GPATCH2L: variants seen among roughly 807,000 people sequenced by gnomAD.
GPATCH2L encodes the protein G-patch domain containing 2 like.
In GPATCH2L, 31 loss-of-function variants were observed where a neutral mutation model predicts 57.4. That is an observed-to-expected ratio of 0.54 (90% confidence interval 0.41 to 0.73). GPATCH2L has a LOEUF of 0.73. Ranked by LOEUF, GPATCH2L falls within the 30% of genes least tolerant of loss-of-function variation. GPATCH2L has a pLI of 0.00. For synonymous variants in GPATCH2L, 199 were observed against 210.7 expected (o/e 0.94, Z 0.48); for missense variants, 481 against 599.9 (o/e 0.80, Z 2.07).
intron 1 of GPATCH2L, among the ~76,000 whole-genome samples, chr14:76,225,161 AAG>A (rs1399877946): frequency 6.6e-6 from 1 of 152,198 alleles, no homozygotes; most frequent in Non-Finnish European, 1.5e-5. Flanking sequence ...AAGAATAGAG[AAG>A]AGAGTGTTTA....
chr14:76,180,264 A>G (rs1262392918), intron 7 of GPATCH2L, among the ~76,000 whole-genome samples: 1 of 152,146 alleles, frequency 6.6e-6, no homozygotes, highest in Non-Finnish European at 1.5e-5. Context: ...TTTAACACCC[A>G]GTATCTCAGT....
intron 1 of GPATCH2L, chr14:76,153,967 G>A (rs1223924659): frequency 6.1e-6 from 1 of 163,132 alleles, no homozygotes; most frequent in Non-Finnish European, 1.3e-5. Flanking sequence ...TGTCTAGTGA[G>A]ACAGTCTCTA....
chr14:76,160,395 G>T (rs999569029), intron 2 of GPATCH2L, among the ~76,000 whole-genome samples: 9 of 152,112 alleles, frequency 5.9e-5, no homozygotes, highest in Admixed American at 5.2e-4. Context: ...GGAAATCTTG[G>T]CAATAGGCCA....
intron 9 of GPATCH2L, chr14:76,196,422 G>T: frequency 4.7e-6 from 1 of 212,670 alleles, no homozygotes; most frequent in Non-Finnish European, 9.1e-6. Context: ...CAATTTTTTA[G>T]GCTAAAACTT....
downstream of GPATCH2L, among the ~76,000 whole-genome samples, chr14:76,218,677 A>T (rs2040500053): frequency 6.6e-6 from 1 of 151,452 alleles, no homozygotes; most frequent in Admixed American, 6.6e-5. Flanking sequence ...AGTTCATATT[A>T]AAAAAAGATA....
intron 3 of GPATCH2L, among the ~76,000 whole-genome samples, chr14:76,169,930 C>G (rs889598829): frequency 2.0e-5 from 3 of 152,154 alleles, no homozygotes; most frequent in Non-Finnish European, 4.4e-5. Context: ...CATGAGGGAA[C>G]TTGTTAGAAA....
chr14:76,178,316 G>T, intron 7 of GPATCH2L: 5 of 1,308,982 alleles, frequency 3.8e-6, no homozygotes, highest in Non-Finnish European at 4.0e-6. Context: ...AACGTATGGA[G>T]CAGAAGGTAG....
intron 1 of GPATCH2L, among the ~76,000 whole-genome samples, chr14:76,223,586 C>T (rs1011429958): frequency 6.6e-5 from 10 of 151,988 alleles, no homozygotes; most frequent in African/African-American, 2.4e-4. Flanking sequence ...ATAAATAAGC[C>T]TTTATCAAAA....
chr14:76,159,657 G>A (rs2038481038), intron 2 of GPATCH2L, among the ~76,000 whole-genome samples: 1 of 152,076 alleles, frequency 6.6e-6, no homozygotes, highest in Admixed American at 6.5e-5. Flanking sequence ...TCTCCAGAAT[G>A]TACTGTCTCC....
chr14:76,182,363 G>GAAAAAAAAAAAAAAAAAAA (rs3059799), intron 8 of GPATCH2L, among the ~76,000 whole-genome samples: 1 of 85,624 alleles, frequency 1.2e-5, no homozygotes, highest in Non-Finnish European at 2.0e-5. Flanking sequence ...TCTCAGAAAA[G>GAAAAAAAAAAAAAAAAAAA]AAAAAAAAAA....
intron 1 of GPATCH2L, among the ~76,000 whole-genome samples, chr14:76,221,047 A>G (rs2040512545): frequency 6.6e-6 from 1 of 152,048 alleles, no homozygotes; most frequent in African/African-American, 2.4e-5. Flanking sequence ...CTGATTTAAA[A>G]AAAAAAAAGT....
rs1477618673 is a variant in GPATCH2L, at chr14:76,155,100, G to C, written c.662+75G>C. 3.3e-6 allele frequency: 4 copies of C among 1,210,930 alleles called. 1 individual carries two copies. Among genetic ancestry groups the C allele is most frequent in the African/African-American group, 3.1e-5 (2 of 65,320 alleles). 75.0% of individuals were successfully genotyped at this position (1,210,930 alleles called of 1,614,324 possible). ...AAGTGCACATCCATGGTCTTAGTGGGTTCTACCTTCTTTCAAACCAGCCAC... is the reference window on the plus strand; with the variant it reads ...AAGTGCACATCCATGGTCTTAGTGGCTTCTACCTTCTTTCAAACCAGCCAC... On this transcript the variant is annotated intron_variant, in intron 2 of 9. Transcript: ENST00000261530.
chr14:76,171,978 C>T lies in GPATCH2L; in HGVS notation c.863C>T (p.Ser288Leu). ...ATGGATTCTGGATTGGATAAATTTT[C>T]AGATTCCACATTCCTTTTACCTTCT... ...ERMDSGLDKF[S>L]DSTFLLPSRP... The change falls in exon 4 of 10, where the codon TCA (serine) becomes TTA (leucine). Residue 288 changes from serine (S) to leucine (L), a missense_variant. Ser to Leu is a moderately radical substitution (Grantham distance 145). Transcript: ENST00000261530. 1 of 1,612,750 alleles carries T rather than the reference C, an allele frequency of 6.2e-7. No individual in the cohort carries two copies. Among genetic ancestry groups the T allele is most frequent in the South Asian group, 1.1e-5 (1 of 90,800 alleles).
chr14:76,168,317 G>A (rs149807144), intron 3 of GPATCH2L, among the ~76,000 whole-genome samples: 113 of 152,344 alleles, frequency 7.4e-4, no homozygotes, highest in African/African-American at 2.5e-3. Context: ...TGGCCTATAG[G>A]AGGCATCAAC....
chr14:76,226,484 T>G (rs2040536932), intron 1 of GPATCH2L, among the ~76,000 whole-genome samples: 2 of 152,214 alleles, frequency 1.3e-5, no homozygotes, highest in African/African-American at 4.8e-5. Context: ...GTGGAAACTG[T>G]GGTCATGTTC....
intron 1 of GPATCH2L, among the ~76,000 whole-genome samples, chr14:76,221,043 T>TA (rs112035944): frequency 7.7e-4 from 108 of 140,574 alleles, no homozygotes; most frequent in African/African-American, 1.6e-3. Flanking sequence ...AAGACTGATT[T>TA]AAAAAAAAAA....
intron 8 of GPATCH2L, among the ~76,000 whole-genome samples, chr14:76,188,653 G>A (rs2039858881): frequency 6.6e-6 from 1 of 151,996 alleles, no homozygotes; most frequent in Non-Finnish European, 1.5e-5. Context: ...CATTCTGCGG[G>A]TTGTTTATTC....
intron 2 of GPATCH2L, among the ~76,000 whole-genome samples, chr14:76,156,659 C>T (rs2038321533): frequency 6.6e-6 from 1 of 152,160 alleles, no homozygotes; most frequent in Admixed American, 6.5e-5. Flanking sequence ...GCATATATAC[C>T]AAATAGAAGT....
chr14:76,155,047 C>A, intron 2 of GPATCH2L, 22 bp downstream of exon 2: 1 of 1,580,786 alleles, frequency 6.3e-7, no homozygotes, highest in South Asian at 1.1e-5. Context: ...CTTACTAAGT[C>A]AAAGATTTTC....
Sources: gnomAD v4.1 joint callset for allele counts (sites outside exome capture counted in the v4.1 genomes callset) on GRCh38, gnomAD v4.1.1 for gene constraint, MANE v1.5 for transcripts, NCBI Gene and HGNC (gene_info 2026-07-23, HGNC 2026-07-21) for gene names.